Variants in ADH1B observed in about 807,000 individuals in gnomAD.
ADH1B encodes alcohol dehydrogenase 1B (class I), beta polypeptide.
A neutral mutation model predicts 34.6 loss-of-function variants in ADH1B; 29 were observed. The ratio of observed to expected loss-of-function variants is 0.84; its 90% CI spans 0.62 to 1.14. The LOEUF is 1.14. Among genes scored for constraint, ADH1B ranks in the 50% most tolerant of loss-of-function variants. The pLI, the probability that ADH1B is intolerant of heterozygous loss-of-function variation, is 0.00. For synonymous variants in ADH1B, 170 were observed against 175.5 expected, an observed-to-expected ratio of 0.97 and a Z score of 0.25; for missense variants, 424 against 468.4, an observed-to-expected ratio of 0.91 and a Z score of 0.87.
intron 5 of ADH1B, chr4:99,315,499 C>T: frequency 3.6e-6 from 1 of 276,610 alleles, no homozygotes; most frequent in Non-Finnish European, 6.9e-6. Context: ...GGAGAGGATC[C>T]ACAGACTAGA....
intron 5 of ADH1B, chr4:99,315,567 A>G (rs1368246781): frequency 1.6e-5 from 6 of 378,614 alleles, no homozygotes; most frequent in Non-Finnish European, 3.0e-5. Flanking sequence ...GCCTAGCAGA[A>G]CCTATGGTGC....
At chr4:99,311,318 A>G (rs547468028) in intron 7 of ADH1B, among the ~76,000 whole-genome samples, 2 of 152,290 alleles carry the variant, frequency 1.3e-5, no homozygotes, top group African/African-American at 4.8e-5. Context: ...AAAAAAGTCT[A>G]TATTGGGACC....
intron 8 of ADH1B, among the ~76,000 whole-genome samples, chr4:99,309,007 T>C (rs1733683254): frequency 6.6e-6 from 1 of 151,974 alleles, no homozygotes; most frequent in Non-Finnish European, 1.5e-5. Context: ...TTTGAGACAT[T>C]GCATATACAA....
At position 99,305,986 on chromosome 4, in the gene ADH1B, C is replaced by G. The variant is rs1434896679; in HGVS notation, c.*1854G>C. 2.0e-5 allele frequency: 3 copies of G among 152,134 alleles called. No homozygotes were observed. The highest frequency in any genetic ancestry group is 4.4e-5 in the Non-Finnish European group (3 of 68,098). 9.4% of individuals were successfully genotyped at this position (152,134 alleles called of 1,614,324 possible). A position where few individuals can be genotyped will look rare whatever the true frequency, so the allele number is the denominator to read the frequency against. ...CGGACATTCTGAAAACTTTCTTGAC[C>G]CTGAGTAACTCCTTCAGCATTTTCT... On this transcript the variant is annotated 3_prime_UTR_variant, in exon 9 of 9. Transcript: ENST00000305046.
At chr4:99,314,154 A>T (rs1733823142) in intron 5 of ADH1B, 73 bp from the exon 6 acceptor site, 2 of 1,574,850 alleles carry the variant, frequency 1.3e-6, no homozygotes, top group Non-Finnish European at 8.6e-7. Flanking sequence ...ATAAAGTGCC[A>T]TGCGTAGGTG....
intron 8 of ADH1B, chr4:99,310,308 T>A (rs1040901512): frequency 2.3e-6 from 1 of 432,962 alleles, no homozygotes; most frequent in African/African-American, 2.1e-5. Flanking sequence ...TAGAAAACAA[T>A]CCCAATGTAG....
At chr4:99,313,210 T>G (rs1398708356) in intron 6 of ADH1B, among the ~76,000 whole-genome samples, 1 of 152,094 alleles carries the variant, frequency 6.6e-6, no homozygotes, top group African/African-American at 2.4e-5. Flanking sequence ...TTTTGTATTT[T>G]TAGTAGAGAC....
rs1026817832 is a variant in ADH1B at position 99,316,075 on chromosome 4, C to A, written c.390G>T (p.Arg130Ser). Residue 130 changes from arginine (R) to serine (S), a missense_variant, in exon 5 of 9, where the codon AGG (arginine) becomes AGT (serine). Physicochemically the swap from Arg to Ser is moderately radical, Grantham distance 110. Around this residue, in one of 3 missense-constraint regions of ADH1B, gnomAD observed 291 missense variants for 300.4 expected, o/e 0.97. Transcript: ENST00000305046. ...GAATGGGCTTCCCCCTGCAGGTGAACCTCCTGGTGCCATCCTGCAGGGTCC... is the reference window on the plus strand; with the variant it reads ...GAATGGGCTTCCCCCTGCAGGTGAAACTCCTGGTGCCATCCTGCAGGGTCC... Reference protein sequence around the residue: ...PRGTLQDGTRRFTCRGKPIHH... With the variant: ...PRGTLQDGTRSFTCRGKPIHH... The A allele has an allele frequency of 6.2e-7, 1 of 1,614,166 alleles. No individual in the cohort carries two copies. Among genetic ancestry groups the A allele is most frequent in the Admixed American group, 1.7e-5 (1 of 60,020 alleles).
rs572956201 is a variant in ADH1B, at chr4:99,317,235, T to C, written c.259+811A>G. On this transcript the variant is annotated intron_variant, in intron 3 of 8. Coordinates refer to ENST00000305046, the MANE Select transcript of ADH1B (RefSeq NM_000668.6). The stretch of plus-strand genomic sequence containing the variant: ...AATCACCTATGCTATACATTCCACA[T>C]GATCAAGAAAAATTGTTGGTGCATT... 6.2e-4 allele frequency: 95 copies of C among 152,340 alleles called. 1 individual carries two copies. Among genetic ancestry groups the C allele is most frequent in the African/African-American group, 2.2e-3 (91 of 41,584 alleles). 9.4% of individuals were successfully genotyped at this position (152,340 alleles called of 1,614,324 possible).
intron 8 of ADH1B, chr4:99,310,344 G>T (rs1425461983): frequency 2.2e-6 from 1 of 459,796 alleles, no homozygotes; most frequent in African/African-American, 2.0e-5. Context: ...TAATGAAAAT[G>T]TTGAGGATGT....
intron 3 of ADH1B, chr4:99,317,134 T>C (rs1733905777): frequency 6.6e-6 from 1 of 152,198 alleles, no homozygotes; most frequent in African/African-American, 2.4e-5. Context: ...ACAGTTTAAA[T>C]TGGTATTTGG....
In ADH1B at chr4:99,321,179, G is replaced by A. The variant is rs28913907; in HGVS notation, c.18+135C>T. 4.3e-3 allele frequency: 3,255 copies of A among 751,866 alleles called. 67 individuals carry two copies. In the African/African-American group the frequency reaches 0.048, roughly 11 times the overall value. 46.6% of individuals were successfully genotyped at this position (751,866 alleles called of 1,614,324 possible). On this transcript the variant is annotated intron_variant, in intron 1 of 8. Coordinates refer to ENST00000305046, the MANE Select transcript of ADH1B (RefSeq NM_000668.6). ...TTCAGTATACATTACATATTGAGGT[G>A]TATATTGCATATCATATTTCAGCAT...
intron 1 of ADH1B, chr4:99,320,950 A>G: frequency 8.2e-7 from 1 of 1,218,820 alleles, no homozygotes; most frequent in Non-Finnish European, 1.1e-6. Context: ...AAATAATAAC[A>G]CATTTGAATT....
chr4:99,314,001 T>C lies in ADH1B; in HGVS notation c.648A>G (p.Gly216=), dbSNP rs750335943. The C allele has an allele frequency of 3.9e-5, 63 of 1,614,166 alleles. No homozygotes were observed. The highest frequency in any genetic ancestry group is 1.2e-4 in the African/African-American group (9 of 75,068). Residue 216 remains glycine (G), a synonymous_variant, in exon 6 of 9, where the codon GGA becomes GGG. Coordinates refer to ENST00000305046, the MANE Select transcript of ADH1B (RefSeq NM_000668.6). ...LSAVMGCKAA[G]AARIIAVDIN... ...TGTCCACCGCAATGATTCTGGCTGC[T>C]CCAGCTGCTTTACAGCCCATAACAG...
chr4:99,320,748 T>G, intron 1 of ADH1B: 1 of 1,082,660 alleles, frequency 9.2e-7, no homozygotes. Flanking sequence ...TGTATCATAA[T>G]GGACCCCTTT....
chr4:99,319,267 G>A (rs955003673), intron 1 of ADH1B: 4 of 316,098 alleles, frequency 1.3e-5, no homozygotes, highest in South Asian at 6.0e-5. Flanking sequence ...GACAGAGTCA[G>A]TGTCTGTCTA....
At position 99,305,559 on chromosome 4, in the gene ADH1B, G is replaced by GTATATATA. The variant is rs1491392964; in HGVS notation, c.*2280_*2281insTATATATA. On this transcript the variant is annotated 3_prime_UTR_variant, in exon 9 of 9. Coordinates refer to ENST00000305046, the MANE Select transcript of ADH1B (RefSeq NM_000668.6). ...AACTATATGAACCACTTGCCCCATAGTGTATATATATATATATATATATAT... is the reference window on the plus strand; with the variant it reads ...AACTATATGAACCACTTGCCCCATAGTATATATATGTATATATATATATATATATATAT... 5 of 43,080 alleles carry GTATATATA rather than the reference G, an allele frequency of 1.2e-4. 2 individuals carry two copies. Among genetic ancestry groups the GTATATATA allele is most frequent in the Admixed American group, 4.9e-4 (2 of 4,078 alleles). 2.7% of individuals were successfully genotyped at this position (43,080 alleles called of 1,614,324 possible).
rs28914779 is a variant in ADH1B at position 99,311,298 on chromosome 4, G to A, written c.964+223C>T. Among the ~76,000 whole-genome samples, 443 of 152,268 alleles carry A rather than the reference G, an allele frequency of 2.9e-3. 2 individuals are homozygous for A. Among genetic ancestry groups the A allele is most frequent in the Middle Eastern group, 6.8e-3 (2 of 292 alleles). On this transcript the variant is annotated intron_variant, in intron 7 of 8. Coordinates refer to ENST00000305046, the MANE Select transcript of ADH1B (RefSeq NM_000668.6). ...TGGAGATTAAAGGTCCTGGGTTATG[G>A]TGACAACAGAAAAAAGTCTATATTG... is the stretch of plus-strand genomic sequence containing the variant.
rs1296389363 is a variant in ADH1B at position 99,307,706 on chromosome 4, T to G, written c.*134A>C. On this transcript the variant is annotated 3_prime_UTR_variant, in exon 9 of 9. Coordinates refer to ENST00000305046, the MANE Select transcript of ADH1B (RefSeq NM_000668.6). Reference sequence around the variant, plus strand: ...AATTTCCCATCAATTTCCATTTCTTTGGAAAGCCCCCATGTGTAATTTATT... The same window carrying G: ...AATTTCCCATCAATTTCCATTTCTTGGGAAAGCCCCCATGTGTAATTTATT... 5 of 1,067,442 alleles carry G rather than the reference T, an allele frequency of 4.7e-6. No individual in the cohort carries two copies. In the Admixed American group the frequency reaches 1.3e-4, roughly 28 times the overall value. The allele number at this position is 1,067,442 out of a possible 1,614,324, so 66.1% of individuals were successfully genotyped here.
Sources: gnomAD v4.1 joint callset for allele counts (sites outside exome capture counted in the v4.1 genomes callset) on GRCh38, gnomAD v4.1.1 for gene constraint, gnomAD v4.1.1 regional missense constraint, MANE v1.5 for transcripts, NCBI Gene and HGNC (gene_info 2026-07-23, HGNC 2026-07-21) for gene names.